Variants in JAK1 observed in about 807,000 individuals in gnomAD.
JAK1 encodes the protein Janus kinase 1.
Under a neutral mutation model 136.6 loss-of-function variants are expected in JAK1, and 16 were observed. That is an observed-to-expected ratio of 0.12 (90% CI 0.08 to 0.18). The LOEUF (loss-of-function observed/expected upper bound fraction) is 0.18, where lower values mean the gene tolerates loss of function less well. JAK1 is among the 10% of genes least tolerant of loss of function. JAK1 has a pLI of 1.00. For missense variants in JAK1, 859 were observed against 1,450.1 expected, an observed-to-expected ratio of 0.59 and a Z score of 6.62; for synonymous variants, 492 against 519.5, an observed-to-expected ratio of 0.95 and a Z score of 0.72.
chr1:65,052,793 GAC>G (rs1384178072), intron 1 of JAK1, among the ~76,000 whole-genome samples: 1 of 139,246 alleles, frequency 7.2e-6, no homozygotes, highest in African/African-American at 2.7e-5. Context: ...CAGCCTGGGC[GAC>G]ACTCCAGCCT....
chr1:64,834,372 A>C lies in JAK1; in HGVS notation c.*190T>G. 2 of 432,658 alleles carry C rather than the reference A, an allele frequency of 4.6e-6. No homozygotes were observed. Among genetic ancestry groups the C allele is most frequent in the East Asian group, 6.6e-5 (2 of 30,432 alleles). The allele number at this position is 432,658 out of a possible 1,614,324, so 26.8% of individuals were successfully genotyped here. A position where few individuals can be genotyped will look rare whatever the true frequency, so the allele number is the denominator to read the frequency against. On this transcript the variant is annotated 3_prime_UTR_variant, in exon 25 of 25. Transcript: ENST00000342505. ...ACTAAGTTACTGGTACCAAATTTAA[A>C]GAGGAAGTCCTTACACATATTAAGC...
At chr1:64,838,204 A>AT in intron 21 of JAK1, 100 bp from the exon 22 acceptor site, 1 of 1,248,734 alleles carries the variant, frequency 8.0e-7, no homozygotes, top group Admixed American at 2.8e-5. Flanking sequence ...TTTCATTCAC[A>AT]TATCACTGAC....
intron 8 of JAK1, 46 bp downstream of exon 8, chr1:64,864,741 C>T (rs774582604): frequency 7.2e-7 from 1 of 1,396,186 alleles, no homozygotes; most frequent in Non-Finnish European, 1.0e-6. Flanking sequence ...GCAATTCTCC[C>T]TCTCATCACC....
chr1:64,860,408 C>G, intron 8 of JAK1, 146 bp from the exon 9 acceptor site: 1 of 372,544 alleles, frequency 2.7e-6, no homozygotes, highest in Non-Finnish European at 4.8e-6. Flanking sequence ...ACTAAATATA[C>G]CCCTTGCATG....
chr1:64,839,689 A>G lies in JAK1; in HGVS notation c.2756T>C (p.Ile919Thr), dbSNP rs1478284623. ...CTCGATTTCCTTTTTCAGATCAGCT[A>G]TGTGGTTACCTCCACTCTCAGGCTT... ...SLKPESGGNH[I>T]ADLKKEIEIL... The change falls in exon 20 of 25, where the codon ATA (isoleucine) becomes ACA (threonine). Residue 919 changes from isoleucine (I) to threonine (T), a missense_variant. Transcript: ENST00000342505. 1 of 1,614,182 alleles carries G rather than the reference A, an allele frequency of 6.2e-7. No individual in the cohort carries two copies. Among genetic ancestry groups the G allele is most frequent in the East Asian group, 2.2e-5 (1 of 44,882 alleles).
At chr1:64,894,384 C>A (rs574468537) in intron 1 of JAK1, among the ~76,000 whole-genome samples, 2 of 152,294 alleles carry the variant, frequency 1.3e-5, no homozygotes, top group South Asian at 4.1e-4. Flanking sequence ...TAGACAACCC[C>A]CCAAATGGCA....
chr1:65,000,642 C>T (rs193063366), intron 2 of JAK1, among the ~76,000 whole-genome samples: 3 of 151,946 alleles, frequency 2.0e-5, no homozygotes, highest in Admixed American at 6.6e-5. Context: ...TTTAAAAACA[C>T]GTATGGAAAA....
At chr1:64,875,900 T>C (rs371841987) in intron 4 of JAK1, 19 of 152,226 alleles carry the variant, frequency 1.2e-4, no homozygotes, top group Admixed American at 3.9e-4. Flanking sequence ...CAGGAGAACT[T>C]AGCCACGATC....
At chr1:64,926,471 C>T (rs999967671) in intron 1 of JAK1, among the ~76,000 whole-genome samples, 2 of 151,388 alleles carry the variant, frequency 1.3e-5, no homozygotes, top group African/African-American at 4.9e-5. Flanking sequence ...AGGGCCCTTA[C>T]CCCTGTCCTC....
upstream of JAK1, among the ~76,000 whole-genome samples, chr1:64,968,908 G>A (rs1646424548): frequency 6.7e-6 from 1 of 149,662 alleles, no homozygotes; most frequent in Admixed American, 6.7e-5. Flanking sequence ...CTCCAGCCTG[G>A]GCGACAGAGC....
intron 1 of JAK1, chr1:64,918,607 G>T: frequency 1.1e-5 from 2 of 175,250 alleles, no homozygotes; most frequent in South Asian, 1.3e-4. Context: ...GGAATAAACT[G>T]GGTTCCAATG....
chr1:64,941,146 T>C (rs1038084912), intron 1 of JAK1, among the ~76,000 whole-genome samples: 1 of 152,176 alleles, frequency 6.6e-6, no homozygotes, highest in Admixed American at 6.5e-5. Flanking sequence ...GCCTGGGCTA[T>C]GGACTCCAAC....
Position 65,046,463 on chromosome 1 carries a change from C to T in JAK1, c.-180-1881G>A, listed in dbSNP as rs1202055603. Among the ~76,000 whole-genome samples the T allele has an allele frequency of 2.0e-5, 3 of 152,134 alleles. No individual in the cohort carries two copies. The East Asian group carries it at 5.8e-4, about 29-fold the overall frequency. On this transcript the variant is annotated intron_variant, in intron 1 of 25. Transcript: ENST00000671954. ...ATAAGTAAACCAAGATTATATTTTC[C>T]TTTATTTCGTCATTCTTAAAGGGGA... is the stretch of plus-strand genomic sequence containing the variant.
At chr1:64,899,656 C>G (rs1214144408) in intron 1 of JAK1, among the ~76,000 whole-genome samples, 1 of 152,154 alleles carries the variant, frequency 6.6e-6, no homozygotes, top group African/African-American at 2.4e-5. Flanking sequence ...ATTTGGGATG[C>G]TCAATGGGTA....
intron 13 of JAK1, 123 bp downstream of exon 13, chr1:64,847,408 AG>A (rs1655306448): frequency 3.4e-6 from 4 of 1,177,100 alleles, no homozygotes; most frequent in Non-Finnish European, 4.9e-6. Flanking sequence ...AAAAATTCTG[AG>A]TAAAAGGCAA....
chr1:64,968,271 G>A (rs116019691), upstream of JAK1, among the ~76,000 whole-genome samples: 193 of 152,178 alleles, frequency 1.3e-3, 1 homozygote, highest in African/African-American at 4.5e-3. Context: ...AACAGACATT[G>A]TGCTAGGTGA....
rs558460535 is a variant in JAK1 at position 64,897,196 on chromosome 1, G to A, written c.-77-10855C>T. ...TGCAATCTCAGCCCTTTGGAAGGCCGAGGCGGGTGGATCACTTGAGGTCAG... is the reference window on the plus strand; with the variant it reads ...TGCAATCTCAGCCCTTTGGAAGGCCAAGGCGGGTGGATCACTTGAGGTCAG... On this transcript the variant is annotated intron_variant, in intron 1 of 24. Transcript: ENST00000342505. Among the ~76,000 whole-genome samples, 9 of 151,840 alleles carry A rather than the reference G, an allele frequency of 5.9e-5. No homozygotes were observed. In the East Asian group the frequency reaches 7.9e-4, roughly 13 times the overall value.
At chr1:65,061,730 CTT>C (rs1215214179) in intron 1 of JAK1, among the ~76,000 whole-genome samples, 2 of 152,162 alleles carry the variant, frequency 1.3e-5, no homozygotes, top group Non-Finnish European at 2.9e-5. Context: ...TCCAATACTG[CTT>C]TGTCACAAGT....
intron 2 of JAK1, among the ~76,000 whole-genome samples, chr1:65,018,328 TAAC>T (rs555380163): frequency 6.6e-6 from 1 of 151,906 alleles, no homozygotes; most frequent in Non-Finnish European, 1.5e-5. Context: ...AGGAAAGAGA[TAAC>T]AAATAAGAAC....
Sources: gnomAD v4.1 joint callset for allele counts (sites outside exome capture counted in the v4.1 genomes callset) on GRCh38, gnomAD v4.1.1 for gene constraint, MANE v1.5 for transcripts, NCBI Gene and HGNC (gene_info 2026-07-23, HGNC 2026-07-21) for gene names.